The following CCDC39 variants were observed in gnomAD, a reference collection of about 807,000 sequenced individuals.
The protein encoded by CCDC39 is coiled-coil domain 39 molecular ruler complex subunit.
A neutral mutation model predicts 121.0 loss-of-function variants in CCDC39; 113 were observed. The ratio of observed to expected loss-of-function variants is 0.93; its 90% CI spans 0.80 to 1.09. The LOEUF (loss-of-function observed/expected upper bound fraction) is 1.09, where lower values mean the gene tolerates loss of function less well. Ranked by LOEUF, CCDC39 falls within the 50% of genes least tolerant of loss-of-function variation. The pLI is 0.00. For missense variants in CCDC39, 1,063 were observed against 1,074.7 expected (o/e 0.99, Z 0.15); for synonymous variants, 349 against 352.2 (o/e 0.99, Z 0.10).
intron 14 of CCDC39, among the ~76,000 whole-genome samples, chr3:180,622,526 C>T (rs1379939226): frequency 6.6e-6 from 1 of 152,006 alleles, no homozygotes; most frequent in Non-Finnish European, 1.5e-5. Flanking sequence ...TTTCCCCATT[C>T]GATACGATGT....
rs144491691 is a variant in CCDC39, at chr3:180,616,817, T to C, written c.2406+9A>G. The stretch of plus-strand genomic sequence containing the variant: ...ATATGAAAGGTCAGTTTTTAAAAGA[T>C]ATCGATACCTGTTTGGTCACTCTTT... On this transcript the variant is annotated intron_variant, in intron 17 of 19. Coordinates refer to ENST00000476379, the MANE Select transcript of CCDC39 (RefSeq NM_181426.2). 1.9e-6 allele frequency: 3 copies of C among 1,607,478 alleles called. No individual in the cohort carries two copies. In the African/African-American group the frequency reaches 4.0e-5, roughly 21 times the overall value.
Position 180,648,443 on chromosome 3 carries a change from A to G in CCDC39, c.1168-84T>C, listed in dbSNP as rs943820051. The G allele has an allele frequency of 1.8e-5, 18 of 985,790 alleles. No individual in the cohort carries two copies. In the Admixed American group the frequency reaches 2.6e-4, roughly 14 times the overall value. The allele number at this position is 985,790 out of a possible 1,614,324, so 61.1% of individuals were successfully genotyped here. On this transcript the variant is annotated intron_variant, in intron 9 of 19. Coordinates refer to ENST00000476379, the MANE Select transcript of CCDC39 (RefSeq NM_181426.2). ...ATGAACATAATAATTTAGAAACTCA[A>G]ATAAATTTGAACCCTCCACTATTTT...
intron 8 of CCDC39, 120 bp from the exon 9 acceptor site, chr3:180,651,653 T>C (rs760510368): frequency 1.2e-4 from 99 of 849,038 alleles, no homozygotes; most frequent in Non-Finnish European, 1.6e-4. Flanking sequence ...GCGTAAACCT[T>C]TTTATTACCA....
At chr3:180,667,004 T>C (rs1231128288) in intron 1 of CCDC39, among the ~76,000 whole-genome samples, 1 of 151,758 alleles carries the variant, frequency 6.6e-6, no homozygotes, top group African/African-American at 2.4e-5. Flanking sequence ...AAATAAAACA[T>C]GCAATGGAAA....
At chr3:180,644,943 T>C (rs551227110) in intron 11 of CCDC39, among the ~76,000 whole-genome samples, 18 of 152,210 alleles carry the variant, frequency 1.2e-4, no homozygotes, top group African/African-American at 4.1e-4. Context: ...ACCACTCCCA[T>C]ATTGGAGTTC....
intron 14 of CCDC39, among the ~76,000 whole-genome samples, chr3:180,630,055 A>G (rs1011843022): frequency 3.3e-5 from 5 of 152,104 alleles, no homozygotes; most frequent in African/African-American, 1.2e-4. Context: ...TCATTTTCCA[A>G]GTGAGGAAAC....
chr3:180,616,363 T>A lies in CCDC39; in HGVS notation c.2587A>T (p.Ser863Cys), dbSNP rs1250466953. 6.2e-7 allele frequency: 1 copy of A among 1,609,446 alleles called. No individual in the cohort carries two copies. Among genetic ancestry groups the A allele is most frequent in the Non-Finnish European group, 8.5e-7 (1 of 1,176,696 alleles). Residue 863 changes from serine (S) to cysteine (C), a missense_variant and splice_region_variant, in exon 19 of 20, where the codon AGT becomes TGT. Transcript: ENST00000476379. ...CTAGCTGTAGGTAGTTCTAACCCAC[T>A]CTGGAGGAATATTCAATAGCAATCA... is the stretch of plus-strand genomic sequence containing the variant. ...RIILQTYFQQ[S>C]GLELPTASTK...
At chr3:180,660,809 A>G (rs1192988075) in intron 3 of CCDC39, 81 bp from the exon 4 acceptor site, 1 of 1,284,148 alleles carries the variant, frequency 7.8e-7, no homozygotes, top group East Asian at 2.6e-5. Context: ...ATACCTTTAT[A>G]TACTATGGAG....
rs946671809 is a variant in CCDC39, at chr3:180,617,720, AAG to A, written c.2266-756_2266-755del. ...GTGCTTAAGCTAAATGTCATCACAA[AAG>A]AGTAAAAAAATTTTACAAAATTAAA... On this transcript the variant is annotated intron_variant, in intron 16 of 19. Transcript: ENST00000476379. 7.8e-4 allele frequency: 300 copies of A among 384,286 alleles called. 2 individuals are homozygous for A. In the Middle Eastern group the frequency reaches 8.7e-3, roughly 11 times the overall value. The allele number at this position is 384,286 out of a possible 1,614,324, so 23.8% of individuals were successfully genotyped here.
chr3:180,654,558 C>T (rs967111684), intron 7 of CCDC39, among the ~76,000 whole-genome samples: 2 of 149,786 alleles, frequency 1.3e-5, no homozygotes. Context: ...ATGTGAATGG[C>T]GCCCCGTGGT....
chr3:180,664,803 T>C (rs1711832771), intron 1 of CCDC39, among the ~76,000 whole-genome samples: 1 of 151,836 alleles, frequency 6.6e-6, no homozygotes, highest in Non-Finnish European at 1.5e-5. Flanking sequence ...TCAACGAGAT[T>C]CTGCTGTCTC....
At chr3:180,658,710 T>C (rs1257018876) in intron 6 of CCDC39, among the ~76,000 whole-genome samples, 1 of 152,012 alleles carries the variant, frequency 6.6e-6, no homozygotes, top group Non-Finnish European at 1.5e-5. Context: ...CTTACAGAAA[T>C]TGAAAATATA....
Position 180,616,335 on chromosome 3 carries a change from G to T in CCDC39, c.2615C>A (p.Thr872Lys), listed in dbSNP as rs202027034. 422 of 1,613,090 alleles carry T rather than the reference G, an allele frequency of 2.6e-4. No homozygotes were observed. The highest frequency in any genetic ancestry group is 3.4e-4 in the Non-Finnish European group (400 of 1,179,404). The change falls in exon 19 of 20, where the codon ACA (threonine) becomes AAA (lysine). Residue 872 changes from threonine to lysine, a missense_variant. Physicochemically the swap from Thr to Lys is moderately conservative, Grantham distance 78. Transcript: ENST00000476379. ...TCTAGAGCTCTGACGACTGCCTTTT[G>T]TGCTAGCTGTAGGTAGTTCTAACCC... Reference protein sequence around the residue: ...QSGLELPTASTKGSRQSSRSP... With the variant: ...QSGLELPTASKKGSRQSSRSP...
chr3:180,674,767 A>C (rs1254977439), intron 1 of CCDC39, among the ~76,000 whole-genome samples: 1 of 152,008 alleles, frequency 6.6e-6, no homozygotes, highest in African/African-American at 2.4e-5. Flanking sequence ...TTCTGTTTAT[A>C]TGCTGGATTA....
intron 13 of CCDC39, among the ~76,000 whole-genome samples, chr3:180,633,049 AC>A (rs1717737165): frequency 6.6e-6 from 1 of 152,198 alleles, no homozygotes; most frequent in Non-Finnish European, 1.5e-5. Flanking sequence ...AGTCTTCATC[AC>A]TCAAAATAAA....
intron 6 of CCDC39, among the ~76,000 whole-genome samples, chr3:180,656,655 GGA>G (rs1711587321): frequency 6.6e-6 from 1 of 152,174 alleles, no homozygotes; most frequent in Non-Finnish European, 1.5e-5. Context: ...GGATGAGACA[GGA>G]GGTTGGCTCA....
At chr3:180,638,819 A>C (rs901219379) in intron 13 of CCDC39, among the ~76,000 whole-genome samples, 2 of 152,152 alleles carry the variant, frequency 1.3e-5, no homozygotes, top group Non-Finnish European at 2.9e-5. Context: ...CAAATAAAGA[A>C]AAGGCTAAAC....
At chr3:180,677,168 T>TTTTATATATATA (rs373676653) in intron 1 of CCDC39, among the ~76,000 whole-genome samples, 1 of 35,176 alleles carries the variant, frequency 2.8e-5, no homozygotes, top group African/African-American at 1.0e-4. Flanking sequence ...AATAATAATT[T>TTTTATATATATA]TATATATATA....
intron 14 of CCDC39, among the ~76,000 whole-genome samples, chr3:180,630,442 AGCTACAGGAGAAAATTTG>A (rs1451552822): frequency 1.3e-5 from 2 of 152,074 alleles, no homozygotes; most frequent in African/African-American, 4.8e-5. Flanking sequence ...TTTGAAGAAG[AGCTACAGGAGAAAATTTG>A]GCCAATTAAG....
Sources: gnomAD v4.1 joint callset for allele counts (sites outside exome capture counted in the v4.1 genomes callset) on GRCh38, gnomAD v4.1.1 for gene constraint, MANE v1.5 for transcripts, NCBI Gene and HGNC (gene_info 2026-07-23, HGNC 2026-07-21) for gene names.